CD82: variants seen among roughly 807,000 people sequenced by gnomAD.
CD82 encodes CD82 antigen.
Under a neutral mutation model 37.4 loss-of-function variants are expected in CD82, and 36 were observed. The ratio of observed to expected loss-of-function variants is 0.96; its 90% CI spans 0.74 to 1.27. CD82 has a LOEUF of 1.27. Ranked by LOEUF, CD82 falls within the 50% of genes most tolerant of loss-of-function variation. The pLI, the probability that CD82 is intolerant of heterozygous loss-of-function variation, is 0.00. For synonymous variants in CD82, 158 were observed against 137.4 expected (o/e 1.15, Z -1.05); for missense variants, 340 against 347.0 (o/e 0.98, Z 0.16).
intron 7 of CD82, 91 bp from the exon 8 acceptor site, chr11:44,618,071 C>A: frequency 9.0e-7 from 1 of 1,109,176 alleles, no homozygotes; most frequent in Non-Finnish European, 1.3e-6. Context: ...ATATCTCAGT[C>A]TCTGTCCTGG....
chr11:44,603,153 C>A (rs1482872424), intron 4 of CD82, among the ~76,000 whole-genome samples: 1 of 152,162 alleles, frequency 6.6e-6, no homozygotes. Context: ...TCCCTGCCCA[C>A]GCTGATGGCT....
intron 2 of CD82, among the ~76,000 whole-genome samples, chr11:44,594,336 G>T (rs1565087481): frequency 2.6e-5 from 4 of 152,124 alleles, no homozygotes; most frequent in African/African-American, 7.2e-5. Flanking sequence ...AAGTTCCAGA[G>T]CCTGGGTCAT....
upstream of CD82, chr11:44,564,592 C>A: frequency 2.4e-6 from 1 of 421,152 alleles, no homozygotes; most frequent in South Asian, 1.6e-5. Context: ...AGAGCTCTTG[C>A]AGCCCACCTC....
chr11:44,592,120 A>G (rs986990337), intron 2 of CD82, among the ~76,000 whole-genome samples: 7 of 152,184 alleles, frequency 4.6e-5, no homozygotes, highest in African/African-American at 1.7e-4. Context: ...TGCCCGGCCT[A>G]TACTTATTCT....
intron 2 of CD82, among the ~76,000 whole-genome samples, chr11:44,594,028 A>G (rs547036362): frequency 1.3e-5 from 2 of 152,334 alleles, no homozygotes; most frequent in Admixed American, 1.3e-4. Flanking sequence ...AATAATAGCT[A>G]CTAAAACGAT....
At chr11:44,604,010 T>C (rs1853352439) in intron 4 of CD82, among the ~76,000 whole-genome samples, 1 of 152,230 alleles carries the variant, frequency 6.6e-6, no homozygotes, top group Non-Finnish European at 1.5e-5. Flanking sequence ...TTTGCTTGGC[T>C]GACTTCTTCA....
chr11:44,585,540 G>A (rs950612106), intron 1 of CD82, among the ~76,000 whole-genome samples: 21 of 152,186 alleles, frequency 1.4e-4, no homozygotes, highest in African/African-American at 5.1e-4. Flanking sequence ...TAGCCTGATG[G>A]CGATTCATCT....
intron 6 of CD82, among the ~76,000 whole-genome samples, chr11:44,614,498 G>A (rs369410131): frequency 5.9e-5 from 9 of 152,350 alleles, no homozygotes; most frequent in East Asian, 5.8e-4. Flanking sequence ...CGCTAGCCAC[G>A]GGGGACCCTG....
chr11:44,600,341 C>A, intron 4 of CD82, 111 bp downstream of exon 4: 1 of 1,011,792 alleles, frequency 9.9e-7, no homozygotes, highest in Non-Finnish European at 1.5e-6. Flanking sequence ...TTGCTTTTCC[C>A]GCTGACCTCA....
intron 2 of CD82, among the ~76,000 whole-genome samples, chr11:44,593,885 T>C (rs369147765): frequency 1.1e-3 from 167 of 152,090 alleles, no homozygotes; most frequent in African/African-American, 4.0e-3. Flanking sequence ...CATGTGAAAC[T>C]ATGAAGAGCA....
In CD82 at chr11:44,597,285, C is replaced by G. The variant is rs1853242830; in HGVS notation, c.63+2560C>G. The stretch of plus-strand genomic sequence containing the variant: ...GAATGCAGAGGCACTGGTGCTGTGG[C>G]TATGCTGGGGAAGGACGCTCACTGC... On this transcript the variant is annotated intron_variant, in intron 3 of 9. Transcript: ENST00000227155. This position sits in a 1 kb window ranked among gnomAD's most constrained non-coding sequence, Gnocchi z 4.1. Among the ~76,000 whole-genome samples the G allele has an allele frequency of 6.6e-6, 1 of 152,216 alleles. No homozygotes were observed. The highest frequency in any genetic ancestry group is 2.4e-5 in the African/African-American group (1 of 41,460).
In CD82 at chr11:44,609,249, T is replaced by C. The variant is rs1454045018; in HGVS notation, c.336+3820T>C. Among the ~76,000 whole-genome samples the C allele has an allele frequency of 4.6e-5, 7 of 152,334 alleles. No individual in the cohort carries two copies. In the East Asian group the frequency reaches 1.4e-3, roughly 29 times the overall value. ...CAGACTCTCTGATCCACAGGCGAGC[T>C]CTTGGGCCATGCCCAGTGCAGGCAG... On this transcript the variant is annotated intron_variant, in intron 6 of 9. Coordinates refer to ENST00000227155, the MANE Select transcript of CD82 (RefSeq NM_002231.4).
intron 1 of CD82, among the ~76,000 whole-genome samples, chr11:44,583,323 C>G (rs1385236902): frequency 6.6e-6 from 1 of 152,228 alleles, no homozygotes; most frequent in African/African-American, 2.4e-5. Flanking sequence ...CACTCTGCAC[C>G]CTCCTGTCAG....
At chr11:44,592,651 C>G (rs1180121397) in intron 2 of CD82, among the ~76,000 whole-genome samples, 2 of 152,182 alleles carry the variant, frequency 1.3e-5, no homozygotes, top group Non-Finnish European at 2.9e-5. Context: ...TCCCAGGAGG[C>G]CTTCCTAGGC....
chr11:44,571,330 G>C (rs1443163035), intron 1 of CD82, among the ~76,000 whole-genome samples: 1 of 152,178 alleles, frequency 6.6e-6, no homozygotes, highest in Non-Finnish European at 1.5e-5. Flanking sequence ...CAAGATCACA[G>C]ACTCTGGAAT....
rs1398357036 is a variant in CD82 at position 44,619,946 on chromosome 11, T to C, written c.*820T>C. The C allele has an allele frequency of 1.4e-5, 2 of 147,746 alleles. No individual in the cohort carries two copies. The highest frequency in any genetic ancestry group is 5.0e-5 in the African/African-American group (2 of 39,760). 9.2% of individuals were successfully genotyped at this position (147,746 alleles called of 1,614,324 possible). ...GGGAGAGGGTGGGTTTTACCTGATATTAAGGGGTGGCACCCCTTCCCCAGG... is the reference window on the plus strand; with the variant it reads ...GGGAGAGGGTGGGTTTTACCTGATACTAAGGGGTGGCACCCCTTCCCCAGG... On this transcript the variant is annotated 3_prime_UTR_variant, in exon 10 of 10. Transcript: ENST00000227155.
In CD82 at chr11:44,619,429, A is replaced by G; in HGVS notation, c.*303A>G. The G allele has an allele frequency of 2.3e-6, 1 of 427,948 alleles. No individual in the cohort carries two copies. Among genetic ancestry groups the G allele is most frequent in the Middle Eastern group, 6.6e-4 (1 of 1,522 alleles). The allele number at this position is 427,948 out of a possible 1,614,324, so 26.5% of individuals were successfully genotyped here. A position where few individuals can be genotyped will look rare whatever the true frequency, so the allele number is the denominator to read the frequency against. ...GTGGGCTGGACTTCTACCTGCCCTC[A>G]AGGGTGTGTATATTGTATAGGGGCA... On this transcript the variant is annotated 3_prime_UTR_variant, in exon 10 of 10. Transcript: ENST00000227155.
chr11:44,573,156 G>A (rs1376076874), intron 1 of CD82: 1 of 152,266 alleles, frequency 6.6e-6, no homozygotes, highest in Non-Finnish European at 1.5e-5. Flanking sequence ...CCCTGGCAGA[G>A]GTCCCTCCAC....
intron 4 of CD82, among the ~76,000 whole-genome samples, chr11:44,602,552 C>G (rs1174587967): frequency 6.6e-6 from 1 of 152,168 alleles, no homozygotes; most frequent in African/African-American, 2.4e-5. Flanking sequence ...AAATGGCTTG[C>G]CCAGGGTCAG....
Sources: allele counts gnomAD v4.1 joint callset (sites outside exome capture counted in the v4.1 genomes callset), GRCh38; gene constraint gnomAD v4.1.1; non-coding constraint Gnocchi (gnomAD v3.1); transcripts MANE v1.5; gene names NCBI Gene and HGNC (gene_info 2026-07-23, HGNC 2026-07-21).